Variants in RBFOX1 observed in about 807,000 individuals in gnomAD.
RBFOX1 encodes the protein RNA binding fox-1 homolog 1.
Under a neutral mutation model 57.7 loss-of-function variants are expected in RBFOX1, and 8 were observed. The ratio of observed to expected loss-of-function variants is 0.14; its 90% CI spans 0.08 to 0.25. RBFOX1 has a LOEUF of 0.25. Ranked by LOEUF, RBFOX1 falls within the 10% of genes least tolerant of loss-of-function variation. RBFOX1 has a pLI of 1.00. For synonymous variants in RBFOX1, 326 were observed against 222.4 expected, an observed-to-expected ratio of 1.47 and a Z score of -4.15; for missense variants, 611 against 548.5, an observed-to-expected ratio of 1.11 and a Z score of -1.14.
intron 4 of RBFOX1, among the ~76,000 whole-genome samples, chr16:7,394,050 C>A (rs77851670): frequency 0.081 from 12,226 of 151,660 alleles, 528 homozygotes; most frequent in East Asian, 0.19. Flanking sequence ...ATCCTGGCCA[C>A]AATGGTGAAA....
At chr16:7,692,802 T>C (rs149901804) in intron 14 of RBFOX1, among the ~76,000 whole-genome samples, 1 of 152,144 alleles carries the variant, frequency 6.6e-6, no homozygotes, top group Non-Finnish European at 1.5e-5. Context: ...CTTAGCTCTA[T>C]GTAGCAAGCT....
intron 3 of RBFOX1, among the ~76,000 whole-genome samples, chr16:5,719,743 C>A (rs1042806972): frequency 1.3e-5 from 2 of 152,158 alleles, no homozygotes; most frequent in Non-Finnish European, 2.9e-5. Context: ...GTCAATACTT[C>A]ATTCCTTTTT....
intron 3 of RBFOX1, among the ~76,000 whole-genome samples, chr16:6,725,236 A>T (rs942152225): frequency 6.6e-6 from 1 of 151,672 alleles, no homozygotes; most frequent in African/African-American, 2.4e-5. Flanking sequence ...TATTTTTAGT[A>T]GGGACAGGGT....
intron 4 of RBFOX1, among the ~76,000 whole-genome samples, chr16:7,350,664 C>T (rs2097112184): frequency 6.6e-6 from 1 of 152,162 alleles, no homozygotes; most frequent in Non-Finnish European, 1.5e-5. Flanking sequence ...ATGTTATCCA[C>T]GATTGGCTAG....
At chr16:6,772,732 G>A (rs2078535383) in intron 3 of RBFOX1, among the ~76,000 whole-genome samples, 2 of 151,134 alleles carry the variant, frequency 1.3e-5, no homozygotes, top group Middle Eastern at 3.4e-3. Context: ...GATTGTGTAT[G>A]TGTGGGTTTG....
At chr16:6,557,719 A>G (rs1269868120) in intron 2 of RBFOX1, among the ~76,000 whole-genome samples, 1 of 152,224 alleles carries the variant, frequency 6.6e-6, no homozygotes, top group Non-Finnish European at 1.5e-5. Context: ...GAAGTTGCAT[A>G]AGCATTTTCC....
chr16:5,557,554 G>C (rs1044681249), intron 2 of RBFOX1, among the ~76,000 whole-genome samples: 2 of 152,166 alleles, frequency 1.3e-5, no homozygotes, highest in African/African-American at 4.8e-5. Flanking sequence ...CTCCAGGAAG[G>C]CAACTTTTAG....
At chr16:6,904,599 TAAAAAAAAAAAAAAAAAA>T (rs71147623) in intron 3 of RBFOX1, among the ~76,000 whole-genome samples, 2 of 64,006 alleles carry the variant, frequency 3.1e-5, no homozygotes, top group African/African-American at 1.3e-4. Flanking sequence ...AGACTCTCTC[TAAAAAAAAAAAAAAAAAA>T]AAAAAAAAAA....
At chr16:5,623,676 C>G (rs2048264899) in intron 3 of RBFOX1, among the ~76,000 whole-genome samples, 1 of 152,136 alleles carries the variant, frequency 6.6e-6, no homozygotes, top group African/African-American at 2.4e-5. Context: ...TCTCTCTCTT[C>G]TCCCTACCTC....
intron 1 of RBFOX1, among the ~76,000 whole-genome samples, chr16:5,466,375 G>T (rs934656397): frequency 6.6e-6 from 1 of 152,052 alleles, no homozygotes; most frequent in African/African-American, 2.4e-5. Context: ...CTCCATGGGG[G>T]CTGCATTTGG....
intron 2 of RBFOX1, among the ~76,000 whole-genome samples, chr16:6,595,363 C>T (rs1430092778): frequency 2.6e-5 from 4 of 152,098 alleles, no homozygotes; most frequent in Non-Finnish European, 5.9e-5. Context: ...TTTCAAGGGC[C>T]ATCAATGTTG....
At chr16:5,654,422 C>T (rs192705413) in intron 3 of RBFOX1, among the ~76,000 whole-genome samples, 109 of 152,234 alleles carry the variant, frequency 7.2e-4, no homozygotes, top group Admixed American at 2.2e-3. Context: ...TCAGGACTCC[C>T]CCCAACCTAA....
chr16:6,555,501 C>T (rs2097082162), intron 2 of RBFOX1, among the ~76,000 whole-genome samples: 1 of 152,014 alleles, frequency 6.6e-6, no homozygotes, highest in African/African-American at 2.4e-5. Flanking sequence ...AGATCGAGAC[C>T]ATCCTGGCTA....
intron 10 of RBFOX1, among the ~76,000 whole-genome samples, chr16:7,610,302 G>T (rs578094920): frequency 6.6e-6 from 1 of 151,374 alleles, no homozygotes. Flanking sequence ...GTATTTTTTT[G>T]TAGAGACAGG....
intron 4 of RBFOX1, among the ~76,000 whole-genome samples, chr16:7,280,422 C>T (rs1210680261): frequency 2.6e-5 from 4 of 152,252 alleles, no homozygotes; most frequent in South Asian, 4.2e-4. Context: ...CCAAGGGATC[C>T]CCAGGATCAC....
At chr16:6,255,064 G>C (rs922921370) in intron 1 of RBFOX1, among the ~76,000 whole-genome samples, 1 of 151,968 alleles carries the variant, frequency 6.6e-6, no homozygotes, top group Non-Finnish European at 1.5e-5. Flanking sequence ...TTAAAGTTCA[G>C]CATCACATAT....
intron 4 of RBFOX1, among the ~76,000 whole-genome samples, chr16:7,187,152 G>C (rs148337996): frequency 0.021 from 3,198 of 151,922 alleles, 126 homozygotes; most frequent in African/African-American, 0.074. Context: ...TTGGGCGATG[G>C]AGTGATACTC....
At chr16:7,247,205 C>T (rs761294117) in intron 4 of RBFOX1, among the ~76,000 whole-genome samples, 4 of 152,150 alleles carry the variant, frequency 2.6e-5, no homozygotes, top group Non-Finnish European at 5.9e-5. Context: ...CAGAAATGTT[C>T]TCTTGGTGAA....
intron 2 of RBFOX1, among the ~76,000 whole-genome samples, chr16:6,582,660 C>G (rs898564097): frequency 1.3e-5 from 2 of 151,446 alleles, no homozygotes; most frequent in African/African-American, 2.4e-5. Context: ...CTTTTTTTCT[C>G]TCCTTTCTTT....
Sources: gnomAD v4.1 joint callset for allele counts (sites outside exome capture counted in the v4.1 genomes callset) on GRCh38, gnomAD v4.1.1 for gene constraint, MANE v1.5 for transcripts, NCBI Gene and HGNC (gene_info 2026-07-23, HGNC 2026-07-21) for gene names.